NECAB1: variants seen among roughly 807,000 people sequenced by gnomAD.
The protein encoded by NECAB1 is N-terminal EF-hand calcium binding protein 1.
NECAB1 carries 29 observed loss-of-function variants against 57.5 expected under a neutral mutation model. The observed-to-expected ratio is 0.50, with a 90% CI of 0.38 to 0.69. The LOEUF (loss-of-function observed/expected upper bound fraction) is 0.69, where lower values mean the gene tolerates loss of function less well. Among genes scored for constraint, NECAB1 ranks in the 30% least tolerant of loss-of-function variants. The pLI is 0.00. For missense variants in NECAB1, 372 were observed against 413.8 expected (o/e 0.90, Z 0.88); for synonymous variants, 142 against 147.7 (o/e 0.96, Z 0.28).
chr8:90,815,548 C>T (rs890652063), intron 2 of NECAB1, among the ~76,000 whole-genome samples: 7 of 152,010 alleles, frequency 4.6e-5, no homozygotes, highest in African/African-American at 1.7e-4. Flanking sequence ...CCTATTCACC[C>T]CTCCCTCCAA....
chr8:90,846,990 T>C (rs2129761839), intron 3 of NECAB1, among the ~76,000 whole-genome samples: 1 of 152,310 alleles, frequency 6.6e-6, no homozygotes, highest in South Asian at 2.1e-4. Flanking sequence ...TGTTCCCACA[T>C]TTTAAAACAC....
chr8:90,832,473 T>C (rs1001134389), intron 3 of NECAB1, among the ~76,000 whole-genome samples: 2 of 152,182 alleles, frequency 1.3e-5, no homozygotes, highest in Non-Finnish European at 2.9e-5. Context: ...TTCTTAGTTA[T>C]AATTTTTTGG....
chr8:90,848,574 A>C (rs118124855), intron 3 of NECAB1, among the ~76,000 whole-genome samples: 3,632 of 152,294 alleles, frequency 0.024, 55 homozygotes, highest in Non-Finnish European at 0.032. Flanking sequence ...TAATGTACTC[A>C]CAGTTCCACA....
chr8:90,894,221 A>T (rs982832412), intron 5 of NECAB1, among the ~76,000 whole-genome samples: 14 of 152,196 alleles, frequency 9.2e-5, no homozygotes, highest in African/African-American at 2.7e-4. Context: ...AATAATGGTT[A>T]TGCTAAACAG....
intron 5 of NECAB1, among the ~76,000 whole-genome samples, chr8:90,887,345 A>G (rs1253565203): frequency 2.0e-5 from 3 of 152,232 alleles, no homozygotes; most frequent in Non-Finnish European, 2.9e-5. Flanking sequence ...GTAATAAACT[A>G]TGACTTACAC....
chr8:90,884,622 C>T (rs1477959280), intron 5 of NECAB1, among the ~76,000 whole-genome samples: 1 of 152,168 alleles, frequency 6.6e-6, no homozygotes, highest in Non-Finnish European at 1.5e-5. Flanking sequence ...ATGATAGTTT[C>T]ATTGCAATCC....
chr8:90,910,794 T>C (rs1809812474), intron 5 of NECAB1, among the ~76,000 whole-genome samples: 1 of 152,224 alleles, frequency 6.6e-6, no homozygotes, highest in Non-Finnish European at 1.5e-5. Flanking sequence ...TATTCTCAAA[T>C]TAGCCATTGT....
intron 5 of NECAB1, among the ~76,000 whole-genome samples, chr8:90,896,536 C>T (rs1201786329): frequency 6.6e-6 from 1 of 151,800 alleles, no homozygotes; most frequent in South Asian, 2.1e-4. Flanking sequence ...ACCCGGGAGG[C>T]GGAGCTTGCA....
At chr8:90,909,375 GA>G (rs34312269) in intron 5 of NECAB1, among the ~76,000 whole-genome samples, 413 of 145,002 alleles carry the variant, frequency 2.8e-3, no homozygotes, top group African/African-American at 5.6e-3. Context: ...AGGCCTCTAC[GA>G]AAAAAAAAAA....
intron 2 of NECAB1, 134 bp from the exon 3 acceptor site, chr8:90,824,583 A>T (rs1275442665): frequency 2.1e-6 from 1 of 487,094 alleles, no homozygotes; most frequent in Admixed American, 3.8e-5. Flanking sequence ...TTTCTTTTTA[A>T]CACCTTCAGC....
intron 3 of NECAB1, among the ~76,000 whole-genome samples, chr8:90,848,986 G>A (rs189023480): frequency 2.8e-4 from 43 of 152,168 alleles, no homozygotes; most frequent in South Asian, 1.2e-3. Flanking sequence ...CTCATGAGAC[G>A]TATTCACTAC....
chr8:90,925,211 G>T (rs1810230941), intron 6 of NECAB1, among the ~76,000 whole-genome samples: 3 of 152,058 alleles, frequency 2.0e-5, no homozygotes, highest in Admixed American at 6.6e-5. Flanking sequence ...AACTCCATAA[G>T]TGTTTTCAAA....
chr8:90,827,786 A>G (rs1586043847), intron 3 of NECAB1, among the ~76,000 whole-genome samples: 1 of 152,010 alleles, frequency 6.6e-6, no homozygotes, highest in African/African-American at 2.4e-5. Flanking sequence ...GCTTGTGTCT[A>G]TAGTGCAGTA....
intron 1 of NECAB1, among the ~76,000 whole-genome samples, chr8:90,799,645 C>G (rs1301929504): frequency 1.3e-5 from 2 of 152,082 alleles, no homozygotes; most frequent in African/African-American, 4.8e-5. Context: ...GCTGGGTTCT[C>G]TATTCTGTTT....
intron 8 of NECAB1, among the ~76,000 whole-genome samples, chr8:90,929,229 C>T (rs936447687): frequency 1.3e-5 from 2 of 152,118 alleles, no homozygotes; most frequent in Admixed American, 1.3e-4. Flanking sequence ...TCTATCCATG[C>T]TCACCTGATG....
chr8:90,827,112 A>C (rs1355568858), intron 3 of NECAB1, among the ~76,000 whole-genome samples: 2 of 152,036 alleles, frequency 1.3e-5, no homozygotes, highest in Non-Finnish European at 2.9e-5. Context: ...TATTTGAAGC[A>C]ACTGATAACT....
chr8:90,797,391 T>A (rs1426001295), intron 1 of NECAB1, among the ~76,000 whole-genome samples: 1 of 152,230 alleles, frequency 6.6e-6, no homozygotes, highest in African/African-American at 2.4e-5. Context: ...GATTTATCTA[T>A]ACCTCATTTC....
At chr8:90,945,801 C>CGA (rs377719797) in intron 10 of NECAB1, among the ~76,000 whole-genome samples, 35 of 152,272 alleles carry the variant, frequency 2.3e-4, no homozygotes, top group African/African-American at 8.4e-4. Flanking sequence ...TCCCAAAGCT[C>CGA]GAGGTTGAAG....
chr8:90,944,392 AAAGTT>A, intron 10 of NECAB1, among the ~76,000 whole-genome samples: 1 of 152,324 alleles, frequency 6.6e-6, no homozygotes, highest in South Asian at 2.1e-4. Context: ...GAATTTTTAA[AAAGTT>A]AAGTTAGTGA....
Sources: allele counts gnomAD v4.1 joint callset (sites outside exome capture counted in the v4.1 genomes callset), GRCh38; gene constraint gnomAD v4.1.1; transcripts MANE v1.5; gene names NCBI Gene and HGNC (gene_info 2026-07-23, HGNC 2026-07-21).